NAA30: variants seen among roughly 807,000 people sequenced by gnomAD.
The protein encoded by NAA30 is N-alpha-acetyltransferase 30.
Under a neutral mutation model 31.4 loss-of-function variants are expected in NAA30, and 5 were observed. That is an observed-to-expected ratio of 0.16 (90% CI 0.08 to 0.33). NAA30 has a LOEUF of 0.33. NAA30 is among the 10% of genes least tolerant of loss of function. The probability of loss-of-function intolerance (pLI) is 1.00; values close to 1 mark genes in which losing one functional copy is unlikely to be tolerated. For synonymous variants in NAA30, 222 were observed against 207.1 expected, an observed-to-expected ratio of 1.07 and a Z score of -0.62; for missense variants, 428 against 490.8, an observed-to-expected ratio of 0.87 and a Z score of 1.21.
Position 57,409,596 on chromosome 14 carries a change from C to T in NAA30, c.*80C>T. On this transcript the variant is annotated 3_prime_UTR_variant, in exon 5 of 5. Transcript: ENST00000556492. ...ATGCAATTTGTACAGAATTGCTTTG[C>T]AGGTGGATTTAGTAATTTCCATGCA... The T allele has an allele frequency of 2.1e-6, 3 of 1,400,854 alleles. No individual in the cohort carries two copies. Among genetic ancestry groups the T allele is most frequent in the Admixed American group, 2.5e-5 (1 of 39,344 alleles). 86.8% of individuals were successfully genotyped at this position (1,400,854 alleles called of 1,614,324 possible). A position where few individuals can be genotyped will look rare whatever the true frequency, so the allele number is the denominator to read the frequency against.
intron 4 of NAA30, among the ~76,000 whole-genome samples, chr14:57,400,947 G>C (rs2066473869): frequency 6.6e-6 from 1 of 151,036 alleles, no homozygotes; most frequent in Admixed American, 6.6e-5. Context: ...TGTCCAGCTG[G>C]AGACCACTCC....
At position 57,415,553 on chromosome 14, in the gene NAA30, A is replaced by G. The variant is rs1358990780; in HGVS notation, c.*6037A>G. 6.6e-6 allele frequency: 1 copy of G among 152,206 alleles called. No homozygotes were observed. Among genetic ancestry groups the G allele is most frequent in the African/African-American group, 2.4e-5 (1 of 41,456 alleles). The allele number at this position is 152,206 out of a possible 1,614,324, so 9.4% of individuals were successfully genotyped here. A position where few individuals can be genotyped will look rare whatever the true frequency, so the allele number is the denominator to read the frequency against. ...GTATTTTTAGGAATGCGCTATTTCC[A>G]GTAAGGGAAGTATTGACATTTTTAA... On this transcript the variant is annotated 3_prime_UTR_variant, in exon 5 of 5. Transcript: ENST00000556492.
chr14:57,392,200 A>G (rs1309353464), intron 2 of NAA30, among the ~76,000 whole-genome samples: 1 of 152,126 alleles, frequency 6.6e-6, no homozygotes, highest in African/African-American at 2.4e-5. Flanking sequence ...GTCATATTGG[A>G]GAATTAAATC....
intron 4 of NAA30, among the ~76,000 whole-genome samples, chr14:57,400,944 C>T (rs1470705385): frequency 2.7e-5 from 4 of 150,580 alleles, no homozygotes; most frequent in Non-Finnish European, 5.9e-5. Flanking sequence ...TGTTGTCCAG[C>T]TGGAGACCAC....
At chr14:57,395,232 C>T (rs571485737) in intron 2 of NAA30, among the ~76,000 whole-genome samples, 1 of 152,142 alleles carries the variant, frequency 6.6e-6, no homozygotes, top group South Asian at 2.1e-4. Context: ...ATTTCATATT[C>T]CTTCAAAAGG....
intron 4 of NAA30, among the ~76,000 whole-genome samples, chr14:57,403,996 T>G (rs1430545693): frequency 6.6e-6 from 1 of 152,098 alleles, no homozygotes; most frequent in African/African-American, 2.4e-5. Context: ...AGGTTGTTTT[T>G]GTTTTGTTTT....
rs550036415 is a variant in NAA30 at position 57,415,100 on chromosome 14, A to G, written c.*5584A>G. On this transcript the variant is annotated 3_prime_UTR_variant, in exon 5 of 5. Coordinates refer to ENST00000556492, the MANE Select transcript of NAA30 (RefSeq NM_001011713.3). ...TTTCTAATACCTCAGTTTCATGAGA[A>G]CTGTATGTACATTTTTGTAAATAAA... The G allele has an allele frequency of 6.6e-6, 1 of 152,322 alleles. No individual in the cohort carries two copies. Among genetic ancestry groups the G allele is most frequent in the South Asian group, 2.1e-4 (1 of 4,824 alleles). The allele number at this position is 152,322 out of a possible 1,614,324, so 9.4% of individuals were successfully genotyped here.
rs1159499053 is a variant in NAA30 at position 57,412,865 on chromosome 14, C to G, written c.*3349C>G. Reference sequence around the variant, plus strand: ...TTGTTTCCCGCTTCCTGCCTTTCATCTAAGAGTTACGGGGAAGAAGTATTA... The same window carrying G: ...TTGTTTCCCGCTTCCTGCCTTTCATGTAAGAGTTACGGGGAAGAAGTATTA... On this transcript the variant is annotated 3_prime_UTR_variant, in exon 5 of 5. Transcript: ENST00000556492. 1 of 152,158 alleles carries G rather than the reference C, an allele frequency of 6.6e-6. No individual in the cohort carries two copies. The highest frequency in any genetic ancestry group is 1.5e-5 in the Non-Finnish European group (1 of 68,032). The allele number at this position is 152,158 out of a possible 1,614,324, so 9.4% of individuals were successfully genotyped here.
At chr14:57,401,040 G>A (rs2066474598) in intron 4 of NAA30, among the ~76,000 whole-genome samples, 1 of 151,936 alleles carries the variant, frequency 6.6e-6, no homozygotes, top group African/African-American at 2.4e-5. Flanking sequence ...CTGGCCTGTT[G>A]CTACTGTTAA....
At chr14:57,397,227 A>C (rs2066454512) in intron 3 of NAA30, among the ~76,000 whole-genome samples, 1 of 152,194 alleles carries the variant, frequency 6.6e-6, no homozygotes, top group South Asian at 2.1e-4. Flanking sequence ...GCCAGCCTTC[A>C]AGCACTTGTC....
rs1438412079 is a variant in NAA30, at chr14:57,391,159, G to A, written c.202G>A (p.Gly68Arg). 2 of 1,606,198 alleles carry A rather than the reference G, an allele frequency of 1.2e-6. No individual in the cohort carries two copies. The highest frequency in any genetic ancestry group is 1.7e-6 in the Non-Finnish European group (2 of 1,177,944). The stretch of plus-strand genomic sequence containing the variant: ...AGAGTCGGCGACGGTGGCGGCCAAG[G>A]GGCATCCGTGCCTCCGCTGCCCTCA... The part of the protein sequence containing the change: ...GGESATVAAK[G>R]HPCLRCPQPP... The change falls in exon 2 of 5, where the codon GGG becomes AGG. Residue 68 changes from glycine (G) to arginine (R), a missense_variant. Around this residue, in one of 2 missense-constraint regions of NAA30, gnomAD observed 349 missense variants for 310.4 expected, o/e 1.12. Coordinates refer to ENST00000556492, the MANE Select transcript of NAA30 (RefSeq NM_001011713.3). The surrounding 1 kb of genome is among the most constrained non-coding windows in gnomAD (Gnocchi z 4.1).
chr14:57,402,066 A>C (rs1454055359), intron 4 of NAA30, among the ~76,000 whole-genome samples: 1 of 152,192 alleles, frequency 6.6e-6, no homozygotes, highest in Non-Finnish European at 1.5e-5. Flanking sequence ...TCTTGGTATA[A>C]AAATTTTGCT....
chr14:57,402,255 A>G (rs2139763133), intron 4 of NAA30, among the ~76,000 whole-genome samples: 1 of 152,260 alleles, frequency 6.6e-6, no homozygotes, highest in South Asian at 2.1e-4. Context: ...GACAGAATCC[A>G]TTTCACTTTT....
At chr14:57,396,128 C>T (rs1246895259) in intron 2 of NAA30, among the ~76,000 whole-genome samples, 1 of 152,138 alleles carries the variant, frequency 6.6e-6, no homozygotes, top group Admixed American at 6.5e-5. Context: ...GTGCATGCCA[C>T]CACACCTGGC....
rs747011098 is a variant in NAA30 at position 57,391,410 on chromosome 14, C to T, written c.453C>T (p.Pro151=). The change falls in exon 2 of 5, where the codon CCC becomes CCT. Residue 151 remains proline, a synonymous_variant. Coordinates refer to ENST00000556492, the MANE Select transcript of NAA30 (RefSeq NM_001011713.3). The surrounding 1 kb of genome is among the most constrained non-coding windows in gnomAD (Gnocchi z 4.1). ...SLSSNARTAV[P]SPVEAAAASD... ...CTAGTAATGCAAGAACTGCGGTCCC[C>T]AGCCCGGTGGAGGCAGCGGCGGCGA... 1 of 1,607,532 alleles carries T rather than the reference C, an allele frequency of 6.2e-7. No homozygotes were observed. The highest frequency in any genetic ancestry group is 1.7e-5 in the Admixed American group (1 of 58,690).
chr14:57,401,127 A>C (rs1191477380), intron 4 of NAA30, among the ~76,000 whole-genome samples: 1 of 152,204 alleles, frequency 6.6e-6, no homozygotes, highest in Admixed American at 6.5e-5. Context: ...CAAATGAAGT[A>C]ATTCTTATTC....
At chr14:57,398,871 C>T (rs956275365) in intron 3 of NAA30, among the ~76,000 whole-genome samples, 5 of 150,220 alleles carry the variant, frequency 3.3e-5, no homozygotes, top group Admixed American at 6.6e-5. Flanking sequence ...TCCTGACCTC[C>T]GGTGATCCGC....
rs955394119 is a variant in NAA30 at position 57,415,182 on chromosome 14, T to C, written c.*5666T>C. The C allele has an allele frequency of 1.3e-5, 2 of 152,194 alleles. No individual in the cohort carries two copies. Among genetic ancestry groups the C allele is most frequent in the Middle Eastern group, 3.2e-3 (1 of 316 alleles). 9.4% of individuals were successfully genotyped at this position (152,194 alleles called of 1,614,324 possible). ...CTTTTAAAGAAATTGTGTAAAGACA[T>C]TTGTTATTGGATGTGTTACATAGTA... On this transcript the variant is annotated 3_prime_UTR_variant, in exon 5 of 5. Coordinates refer to ENST00000556492, the MANE Select transcript of NAA30 (RefSeq NM_001011713.3).
Position 57,399,873 on chromosome 14 carries a change from A to T in NAA30, c.941A>T (p.Asp314Val). 1 of 1,526,222 alleles carries T rather than the reference A, an allele frequency of 6.6e-7. No individual in the cohort carries two copies. Among genetic ancestry groups the T allele is most frequent in the South Asian group, 1.1e-5 (1 of 87,462 alleles). The allele number at this position is 1,526,222 out of a possible 1,614,324, so 94.5% of individuals were successfully genotyped here. ...KKAIYAMVEG[D>V]CDEVVLETEI... Reference sequence around the variant, plus strand: ...GCTATATATGCCATGGTTGAGGGAGACTGTGATGAGGTAAGTCTTTAAAAA... The same window carrying T: ...GCTATATATGCCATGGTTGAGGGAGTCTGTGATGAGGTAAGTCTTTAAAAA... The change falls in exon 4 of 5, where the codon GAC becomes GTC. Residue 314 changes from aspartate (D) to valine (V), a missense_variant. By Grantham distance (152) the Asp-to-Val change is radical (BLOSUM62 -3). Transcript: ENST00000556492.
Sources: gnomAD v4.1 joint callset for allele counts (sites outside exome capture counted in the v4.1 genomes callset) on GRCh38, gnomAD v4.1.1 for gene constraint, gnomAD v4.1.1 regional missense constraint, Gnocchi (gnomAD v3.1) non-coding constraint, MANE v1.5 for transcripts, NCBI Gene and HGNC (gene_info 2026-07-23, HGNC 2026-07-21) for gene names.